Variants in SECISBP2 observed in about 807,000 individuals in gnomAD.
SECISBP2 encodes the protein selenocysteine insertion sequence-binding protein 2.
Under a neutral mutation model 98.2 loss-of-function variants are expected in SECISBP2, and 96 were observed. The ratio of observed to expected loss-of-function variants is 0.98; its 90% CI spans 0.83 to 1.16. The LOEUF (loss-of-function observed/expected upper bound fraction) is 1.16. Among genes scored for constraint, SECISBP2 ranks in the 50% most tolerant of loss-of-function variants. The pLI, the probability that SECISBP2 is intolerant of heterozygous loss-of-function variation, is 0.00. For missense variants in SECISBP2, 1,046 were observed against 1,022.9 expected (o/e 1.02, Z -0.31); for synonymous variants, 407 against 370.2 (o/e 1.10, Z -1.14).
chr9:89,329,228 T>G, intron 5 of SECISBP2: 1 of 285,234 alleles, frequency 3.5e-6, no homozygotes, highest in East Asian at 9.8e-5. Context: ...TTCTCCTGCC[T>G]CAGCCTCTCG....
At chr9:89,344,658 CT>C (rs1360402816) in intron 10 of SECISBP2, among the ~76,000 whole-genome samples, 1 of 152,140 alleles carries the variant, frequency 6.6e-6, no homozygotes. Flanking sequence ...TTAGAGTACA[CT>C]TTTGATTTCT....
At chr9:89,329,644 A>G (rs1827414352) in intron 5 of SECISBP2, 2 of 152,098 alleles carry the variant, frequency 1.3e-5, no homozygotes, top group Admixed American at 1.3e-4. Context: ...TTGTATTTTT[A>G]GTAGAGATGG....
chr9:89,318,697 G>C (rs1825129914), intron 1 of SECISBP2, 85 bp downstream of exon 1: 2 of 1,309,374 alleles, frequency 1.5e-6, no homozygotes, highest in Non-Finnish European at 2.0e-6. Flanking sequence ...TGACGGGGCT[G>C]GTCCAGCGGG....
intron 10 of SECISBP2, among the ~76,000 whole-genome samples, chr9:89,342,609 T>C (rs1021533734): frequency 8.5e-5 from 13 of 152,380 alleles, no homozygotes; most frequent in South Asian, 8.3e-4. Flanking sequence ...TGAATTCTTA[T>C]ACATGATACA....
chr9:89,334,966 G>A (rs548863137), intron 7 of SECISBP2, among the ~76,000 whole-genome samples: 23 of 152,314 alleles, frequency 1.5e-4, no homozygotes, highest in African/African-American at 5.5e-4. Context: ...TGTAATCCCA[G>A]CACTTTGGGA....
chr9:89,345,540 A>AT (rs1331760053), intron 10 of SECISBP2, among the ~76,000 whole-genome samples: 2 of 152,176 alleles, frequency 1.3e-5, no homozygotes, highest in South Asian at 4.1e-4. Flanking sequence ...GAGGGCTGAT[A>AT]TGACTGTGTT....
chr9:89,344,305 CTTTAG>C (rs778914089), intron 10 of SECISBP2, among the ~76,000 whole-genome samples: 4 of 152,124 alleles, frequency 2.6e-5, no homozygotes, highest in Non-Finnish European at 4.4e-5. Flanking sequence ...TGCAGAAGCT[CTTTAG>C]TTTAATTAGA....
At chr9:89,357,013 G>A (rs998344997) in intron 14 of SECISBP2, 1 of 325,944 alleles carries the variant, frequency 3.1e-6, no homozygotes, top group African/African-American at 2.2e-5. Flanking sequence ...GAGCCCTCGG[G>A]AGCCAGACCT....
At chr9:89,338,354 A>G in intron 7 of SECISBP2, 104 bp from the exon 8 acceptor site, 2 of 1,314,274 alleles carry the variant, frequency 1.5e-6, no homozygotes, top group South Asian at 1.3e-5. Context: ...TAAAATTGTC[A>G]TGTGATTATA....
downstream of SECISBP2, chr9:89,364,202 G>T: frequency 1.5e-6 from 1 of 681,732 alleles, no homozygotes; most frequent in East Asian, 3.0e-5. Flanking sequence ...CACCTGTGTG[G>T]CCTGTGTCCC....
chr9:89,353,603 T>C (rs1267889965), intron 14 of SECISBP2, among the ~76,000 whole-genome samples: 2 of 152,242 alleles, frequency 1.3e-5, no homozygotes, highest in Admixed American at 6.5e-5. Context: ...CTGGCTGTTC[T>C]AGGCTTTTCT....
chr9:89,327,054 C>T (rs1291303804), intron 4 of SECISBP2, among the ~76,000 whole-genome samples: 2 of 151,438 alleles, frequency 1.3e-5, no homozygotes, highest in African/African-American at 2.4e-5. Flanking sequence ...TCCAGCTACT[C>T]GGGAGGCTGA....
chr9:89,338,331 A>C, intron 7 of SECISBP2, 127 bp from the exon 8 acceptor site: 1 of 1,126,890 alleles, frequency 8.9e-7, no homozygotes, highest in Non-Finnish European at 1.3e-6. Flanking sequence ...GGGATGAGGA[A>C]CCTAATTCTG....
chr9:89,363,881 G>T, downstream of SECISBP2: 1 of 1,614,124 alleles, frequency 6.2e-7, no homozygotes, highest in Non-Finnish European at 8.5e-7. Flanking sequence ...CAGTGCATGG[G>T]TCTGCACAGG....
downstream of SECISBP2, chr9:89,364,405 A>G (rs1833251799): frequency 3.8e-6 from 1 of 261,066 alleles, no homozygotes; most frequent in Non-Finnish European, 7.7e-6. Flanking sequence ...AGCTGTGTGC[A>G]GAGGGGGCTG....
In SECISBP2 at chr9:89,345,818, A is replaced by G. The variant is rs944011343; in HGVS notation, c.1436-1064A>G. The stretch of plus-strand genomic sequence containing the variant: ...TTTCCACGAAGAGCTGAGAAAAACA[A>G]TTGAGCCAGTCACATAGTCACATGT... On this transcript the variant is annotated intron_variant, in intron 10 of 16. Transcript: ENST00000375807. 2.2e-4 allele frequency among the ~76,000 whole-genome samples: 33 copies of G among 152,338 alleles called. 1 individual carries two copies. The highest frequency in any genetic ancestry group is 1.7e-3 in the Admixed American group (26 of 15,306).
chr9:89,363,896 C>T, downstream of SECISBP2: 2 of 1,614,136 alleles, frequency 1.2e-6, no homozygotes, highest in East Asian at 2.2e-5. Context: ...CACAGGGACA[C>T]AGGTCTCCAG....
At chr9:89,357,347 C>A in intron 14 of SECISBP2, 64 bp from the exon 15 acceptor site, 1 of 1,583,996 alleles carries the variant, frequency 6.3e-7, no homozygotes, top group Admixed American at 1.7e-5. Flanking sequence ...CTCTTTGCAA[C>A]CAGTATTAAC....
intron 4 of SECISBP2, among the ~76,000 whole-genome samples, chr9:89,326,419 C>A (rs1407023710): frequency 6.6e-6 from 1 of 152,150 alleles, no homozygotes; most frequent in Non-Finnish European, 1.5e-5. Context: ...CTACCTTATC[C>A]ATTGCATTTC....
Sources: allele counts gnomAD v4.1 joint callset (sites outside exome capture counted in the v4.1 genomes callset), GRCh38; gene constraint gnomAD v4.1.1; transcripts MANE v1.5; gene names NCBI Gene and HGNC (gene_info 2026-07-23, HGNC 2026-07-21).